VSX2: variants seen among roughly 807,000 people sequenced by gnomAD.
VSX2 encodes visual system homeobox 2, also known as ceh-10 homeo domain containing homolog.
A neutral mutation model predicts 32.1 loss-of-function variants in VSX2; 28 were observed. The ratio of observed to expected loss-of-function variants is 0.87; its 90% CI spans 0.65 to 1.20. The LOEUF (loss-of-function observed/expected upper bound fraction) is 1.20, where lower values mean the gene tolerates loss of function less well. VSX2 is among the 50% of genes most tolerant of loss of function. The probability of loss-of-function intolerance (pLI) is 0.00; values close to 1 mark genes in which losing one functional copy is unlikely to be tolerated. For missense variants in VSX2, 506 were observed against 488.7 expected (o/e 1.04, Z -0.33); for synonymous variants, 243 against 214.1 (o/e 1.14, Z -1.18).
chr14:74,243,872 T>G (rs1017096211), intron 2 of VSX2, among the ~76,000 whole-genome samples: 3 of 151,588 alleles, frequency 2.0e-5, no homozygotes, highest in Non-Finnish European at 4.4e-5. Flanking sequence ...TAGACGAGGG[T>G]GAGGGCCCAG....
At chr14:74,254,329 T>G (rs2079248526) in intron 3 of VSX2, among the ~76,000 whole-genome samples, 1 of 151,940 alleles carries the variant, frequency 6.6e-6, no homozygotes. Context: ...GAGAATCACT[T>G]GAACCCAGGA....
intron 3 of VSX2, among the ~76,000 whole-genome samples, chr14:74,252,875 CCT>C (rs2079238997): frequency 6.6e-6 from 1 of 151,700 alleles, no homozygotes; most frequent in Admixed American, 6.6e-5. Context: ...ATGGTGACAC[CCT>C]GTCTCTACTA....
rs370060571 is a variant in VSX2, at chr14:74,240,954, T to C, written c.371-228T>C. ...TCCCAAGCGCGCCGGGGCCTTTGCC[T>C]CTCTTACAACGAAATCTGTTCAAAA... On this transcript the variant is annotated intron_variant, in intron 1 of 4. Transcript: ENST00000261980. Among the ~76,000 whole-genome samples the C allele has an allele frequency of 1.1e-4, 16 of 152,228 alleles. No homozygotes were observed. The East Asian group carries it at 1.9e-3, about 19-fold the overall frequency.
rs2139647732 is a variant in VSX2, at chr14:74,262,349, C to G, written c.*1430C>G. ...AATGGGAGCACATAGCCCTGTTGAC[C>G]TGCCCGATCCAGATTCCCAGGCCAG... On this transcript the variant is annotated 3_prime_UTR_variant, in exon 5 of 5. Transcript: ENST00000261980. The G allele has an allele frequency of 6.6e-6, 1 of 152,382 alleles. No individual in the cohort carries two copies. The highest frequency in any genetic ancestry group is 2.4e-5 in the African/African-American group (1 of 41,582). The allele number at this position is 152,382 out of a possible 1,614,324, so 9.4% of individuals were successfully genotyped here.
chr14:74,242,616 TC>T (rs1355579688), intron 2 of VSX2, among the ~76,000 whole-genome samples: 2 of 73,494 alleles, frequency 2.7e-5, no homozygotes, highest in South Asian at 3.8e-4. Context: ...TGATCTTTGG[TC>T]TTTTTTTTTT....
In VSX2 at chr14:74,259,715, C is replaced by G. The variant is rs748025339; in HGVS notation, c.693C>G (p.Pro231=). ...LYGAMVRHSI[P]LPESILKSAK... ...GGGCCATGGTGCGGCACTCCATCCCCCTGCCCGAGTCCATCCTCAAGTCAG... is the reference window on the plus strand; with the variant it reads ...GGGCCATGGTGCGGCACTCCATCCCGCTGCCCGAGTCCATCCTCAAGTCAG... Residue 231 remains proline, a synonymous_variant, in exon 4 of 5, where the codon CCC becomes CCG. Coordinates refer to ENST00000261980, the MANE Select transcript of VSX2 (RefSeq NM_182894.3). 6.2e-7 allele frequency: 1 copy of G among 1,613,812 alleles called. No homozygotes were observed.
chr14:74,259,527 A>T, intron 3 of VSX2, 75 bp from the exon 4 acceptor site: 1 of 1,589,724 alleles, frequency 6.3e-7, no homozygotes, highest in South Asian at 1.1e-5. Flanking sequence ...TCTTCACTCC[A>T]AGCCTACAAG....
At chr14:74,241,116 C>A in intron 1 of VSX2, 66 bp from the exon 2 acceptor site, 1 of 1,552,904 alleles carries the variant, frequency 6.4e-7, no homozygotes, top group Non-Finnish European at 8.8e-7. Flanking sequence ...GTGGGGCCCT[C>A]GCGGGTTTCG....
rs1594759512 is a variant in VSX2, at chr14:74,261,124, A to C, written c.*205A>C. 1 of 606,868 alleles carries C rather than the reference A, an allele frequency of 1.6e-6. No individual in the cohort carries two copies. The highest frequency in any genetic ancestry group is 2.9e-6 in the Non-Finnish European group (1 of 347,872). The allele number at this position is 606,868 out of a possible 1,614,324, so 37.6% of individuals were successfully genotyped here. A position where few individuals can be genotyped will look rare whatever the true frequency, so the allele number is the denominator to read the frequency against. ...CTGAGACATCCCTCATCTAGTCTTG[A>C]CCTCTCCAGCATCCCAGCCTCAGAA... On this transcript the variant is annotated 3_prime_UTR_variant, in exon 5 of 5. Coordinates refer to ENST00000261980, the MANE Select transcript of VSX2 (RefSeq NM_182894.3).
rs370031892 is a variant in VSX2, at chr14:74,259,556, C to T, written c.580-46C>T. On this transcript the variant is annotated intron_variant, in intron 3 of 4. Transcript: ENST00000261980. ...CTACAAGGGGTAAGGGCCTTGGGCCCAGCACCTCTCAGAGCAAGCCTCTGA... is the reference window on the plus strand; with the variant it reads ...CTACAAGGGGTAAGGGCCTTGGGCCTAGCACCTCTCAGAGCAAGCCTCTGA... 48 of 1,612,730 alleles carry T rather than the reference C, an allele frequency of 3.0e-5. No individual in the cohort carries two copies. In the African/African-American group the frequency reaches 5.9e-4, roughly 20 times the overall value.
chr14:74,242,073 C>G (rs2079153897), intron 2 of VSX2, among the ~76,000 whole-genome samples: 1 of 149,000 alleles, frequency 6.7e-6, no homozygotes, highest in Non-Finnish European at 1.5e-5. Context: ...GCCCTCATTC[C>G]CTTCCGCACC....
chr14:74,256,701 T>A (rs1359843638), intron 3 of VSX2, among the ~76,000 whole-genome samples: 1 of 130,720 alleles, frequency 7.6e-6, no homozygotes, highest in Non-Finnish European at 1.6e-5. Context: ...TGAGACAGAG[T>A]CTTGCTCTGT....
rs2079289736 is a variant in VSX2, at chr14:74,259,584, T to G, written c.580-18T>G. 6 of 1,614,034 alleles carry G rather than the reference T, an allele frequency of 3.7e-6. No homozygotes were observed. Among genetic ancestry groups the G allele is most frequent in the Non-Finnish European group, 5.1e-6 (6 of 1,180,026 alleles). ...CACCTCTCAGAGCAAGCCTCTGACC[T>G]GTTCTGTGCACCTGCAGGTCTGGTT... On this transcript the variant is annotated intron_variant, in intron 3 of 4. Coordinates refer to ENST00000261980, the MANE Select transcript of VSX2 (RefSeq NM_182894.3).
At chr14:74,248,252 G>A (rs531378369) in intron 3 of VSX2, among the ~76,000 whole-genome samples, 3 of 150,546 alleles carry the variant, frequency 2.0e-5, no homozygotes, top group East Asian at 3.9e-4. Flanking sequence ...TCTCGGCCAC[G>A]CAGTGGCTCA....
At chr14:74,245,037 T>A (rs1175505588) in intron 2 of VSX2, 128 bp from the exon 3 acceptor site, 1 of 1,056,568 alleles carries the variant, frequency 9.5e-7, no homozygotes, top group Admixed American at 2.1e-5. Flanking sequence ...AGAATTTGTG[T>A]CCTATTGTGC....
In VSX2 at chr14:74,261,374, C is replaced by T. The variant is rs73309254; in HGVS notation, c.*455C>T. ...CGGAGGACTGGAACTGCAACTCCAG[C>T]GTCCTCAGCACCCCACTCCTCAGTA... On this transcript the variant is annotated 3_prime_UTR_variant, in exon 5 of 5. Coordinates refer to ENST00000261980, the MANE Select transcript of VSX2 (RefSeq NM_182894.3). 0.061 allele frequency: 10,881 copies of T among 179,442 alleles called. 928 individuals carry two copies. Among genetic ancestry groups the T allele is most frequent in the African/African-American group, 0.2 (8,399 of 42,730 alleles). The allele number at this position is 179,442 out of a possible 1,614,324, so 11.1% of individuals were successfully genotyped here. A position where few individuals can be genotyped will look rare whatever the true frequency, so the allele number is the denominator to read the frequency against.
chr14:74,257,822 A>T (rs1015090379), intron 3 of VSX2, among the ~76,000 whole-genome samples: 1 of 152,104 alleles, frequency 6.6e-6, no homozygotes, highest in Admixed American at 6.5e-5. Flanking sequence ...CGCCCCATAT[A>T]TCTGCAGATT....
intron 2 of VSX2, among the ~76,000 whole-genome samples, 178 bp from the exon 3 acceptor site, chr14:74,244,987 A>T (rs71426987): frequency 0.093 from 7,037 of 75,826 alleles, 1,531 homozygotes; most frequent in East Asian, 0.46. Flanking sequence ...TGTGTGAGAG[A>T]GAGAGAGAGA....
chr14:74,250,461 A>G (rs1243142028), intron 3 of VSX2, among the ~76,000 whole-genome samples: 1 of 152,110 alleles, frequency 6.6e-6, no homozygotes, highest in African/African-American at 2.4e-5. Flanking sequence ...CAGAACTATG[A>G]ATGTTCGAAG....
Sources: gnomAD v4.1 joint callset for allele counts (sites outside exome capture counted in the v4.1 genomes callset) on GRCh38, gnomAD v4.1.1 for gene constraint, MANE v1.5 for transcripts, NCBI Gene and HGNC (gene_info 2026-07-23, HGNC 2026-07-21) for gene names.